ANKS1B: variants seen among roughly 807,000 people sequenced by gnomAD.
The protein encoded by ANKS1B is ankyrin repeat and sterile alpha motif domain-containing protein 1B.
ANKS1B carries 36 observed loss-of-function variants against 148.3 expected under a neutral mutation model. That is an observed-to-expected ratio of 0.24 (90% CI 0.19 to 0.32). The LOEUF is 0.32. Among genes scored for constraint, ANKS1B ranks in the 10% least tolerant of loss-of-function variants. ANKS1B has a pLI of 1.00. For missense variants in ANKS1B, 1,157 were observed against 1,542.6 expected, an observed-to-expected ratio of 0.75 and a Z score of 4.19; for synonymous variants, 542 against 560.8, an observed-to-expected ratio of 0.97 and a Z score of 0.47.
At chr12:99,269,843 G>C (rs1042526272) in intron 12 of ANKS1B, among the ~76,000 whole-genome samples, 1 of 152,164 alleles carries the variant, frequency 6.6e-6, no homozygotes, top group Non-Finnish European at 1.5e-5. Context: ...ACAGGCGTGA[G>C]CCACTGCACC....
intron 8 of ANKS1B, among the ~76,000 whole-genome samples, chr12:99,664,116 T>TAA (rs1323139738): frequency 6.6e-6 from 1 of 150,444 alleles, no homozygotes. Context: ...GAAGCTAATT[T>TAA]CAAAAAAAAA....
chr12:99,637,878 AAGAG>A (rs1341233203), intron 9 of ANKS1B, among the ~76,000 whole-genome samples: 2 of 150,860 alleles, frequency 1.3e-5, no homozygotes, highest in Admixed American at 6.6e-5. Context: ...GAGAGAAAAA[AAGAG>A]AGAGAGATCC....
intron 1 of ANKS1B, among the ~76,000 whole-genome samples, chr12:99,906,956 T>C (rs376340370): frequency 2.0e-5 from 3 of 152,182 alleles, no homozygotes; most frequent in African/African-American, 7.2e-5. Flanking sequence ...AAGATACACA[T>C]AAGGTCCCAT....
chr12:99,176,040 G>T (rs1416718390), intron 14 of ANKS1B, among the ~76,000 whole-genome samples: 1 of 151,966 alleles, frequency 6.6e-6, no homozygotes, highest in African/African-American at 2.4e-5. Flanking sequence ...GTAGAGATGG[G>T]GTTTCACCAT....
intron 17 of ANKS1B, chr12:98,949,960 C>T (rs1386893205): frequency 6.6e-6 from 1 of 152,072 alleles, no homozygotes; most frequent in African/African-American, 2.4e-5. Context: ...AAATGAGGTG[C>T]TATAATGATG....
chr12:98,817,270 C>A (rs1594617779), intron 19 of ANKS1B, among the ~76,000 whole-genome samples: 1 of 152,288 alleles, frequency 6.6e-6, no homozygotes, highest in East Asian at 1.9e-4. Flanking sequence ...TAGCCAATAG[C>A]CAGCAAACTC....
chr12:99,443,766 G>C lies in ANKS1B; in HGVS notation c.1482C>G (p.Asn494Lys). The C allele has an allele frequency of 6.2e-7, 1 of 1,611,822 alleles. No individual in the cohort carries two copies. The highest frequency in any genetic ancestry group is 2.2e-5 in the East Asian group (1 of 44,820). ...TTGGGCCTGTTGAGCTGTTTCTATGGTTACTAGTTCCTGGAGTAGTAACTG... is the reference window on the plus strand; with the variant it reads ...TTGGGCCTGTTGAGCTGTTTCTATGCTTACTAGTTCCTGGAGTAGTAACTG... ...EVAVTTPGTS[N>K]HRNSSTGPTP... Residue 494 changes from asparagine (N) to lysine (K), a missense_variant, in exon 11 of 27, where the codon AAC becomes AAG. Physicochemically the swap from Asn to Lys is moderately conservative, Grantham distance 94. Around this residue, in one of 6 missense-constraint regions of ANKS1B, gnomAD observed 661 missense variants for 642.1 expected, o/e 1.03. Coordinates refer to ENST00000683438, the MANE Select transcript of ANKS1B (RefSeq NM_001352186.2).
intron 12 of ANKS1B, among the ~76,000 whole-genome samples, chr12:99,343,068 A>G (rs1410340167): frequency 1.3e-5 from 2 of 152,056 alleles, no homozygotes; most frequent in Admixed American, 1.3e-4. Flanking sequence ...AGAATCCTCA[A>G]AATAACTAAT....
chr12:99,583,276 G>T (rs761992805), intron 9 of ANKS1B, among the ~76,000 whole-genome samples: 9 of 152,134 alleles, frequency 5.9e-5, no homozygotes, highest in Non-Finnish European at 1.3e-4. Flanking sequence ...TAGTGTGTGA[G>T]CTGAGTAATG....
exon 10 of ANKS1B, chr12:98,735,494 G>GGAT: frequency 1.7e-6 from 1 of 601,948 alleles, no homozygotes; most frequent in Non-Finnish European, 3.2e-6. Flanking sequence ...CTAAAGTGAA[G>GGAT]GATTCAAGCT....
chr12:98,844,139 A>G (rs1212983038), intron 17 of ANKS1B, among the ~76,000 whole-genome samples: 3 of 152,050 alleles, frequency 2.0e-5, no homozygotes, highest in East Asian at 3.8e-4. Flanking sequence ...GGATGACCTG[A>G]GTGTGAGTGT....
intron 15 of ANKS1B, among the ~76,000 whole-genome samples, chr12:99,099,191 G>A (rs2057250786): frequency 6.6e-6 from 1 of 152,210 alleles, no homozygotes; most frequent in Non-Finnish European, 1.5e-5. Context: ...CCTTGGGGCC[G>A]AGCATGGCAT....
At chr12:98,903,655 C>G (rs1446358176) in intron 17 of ANKS1B, among the ~76,000 whole-genome samples, 1 of 152,230 alleles carries the variant, frequency 6.6e-6, no homozygotes, top group Non-Finnish European at 1.5e-5. Flanking sequence ...TGGACTTTAT[C>G]TCTTATATGA....
chr12:99,960,640 C>A (rs1423399272), intron 1 of ANKS1B, among the ~76,000 whole-genome samples: 1 of 152,174 alleles, frequency 6.6e-6, no homozygotes, highest in African/African-American at 2.4e-5. Flanking sequence ...TAGAAACTTG[C>A]AACTCTAGAT....
At chr12:98,990,550 AAG>A (rs145443410) in intron 17 of ANKS1B, among the ~76,000 whole-genome samples, 2,738 of 148,928 alleles carry the variant, frequency 0.018, 92 homozygotes, top group African/African-American at 0.064. Flanking sequence ...CAGGATGATA[AAG>A]AGAGAGAGAG....
intron 17 of ANKS1B, among the ~76,000 whole-genome samples, chr12:98,918,011 G>T (rs536960330): frequency 6.6e-6 from 1 of 152,156 alleles, no homozygotes; most frequent in African/African-American, 2.4e-5. Context: ...AAGTAGAGAG[G>T]CTATTTATGT....
At chr12:99,264,615 C>G (rs566664100) in intron 12 of ANKS1B, among the ~76,000 whole-genome samples, 1 of 152,036 alleles carries the variant, frequency 6.6e-6, no homozygotes, top group Non-Finnish European at 1.5e-5. Flanking sequence ...AAAAATTTTA[C>G]GTCAAAGGAT....
chr12:99,103,887 C>A (rs1346971110), intron 15 of ANKS1B, among the ~76,000 whole-genome samples: 2 of 152,088 alleles, frequency 1.3e-5, no homozygotes, highest in African/African-American at 4.8e-5. Flanking sequence ...TCAAGTATAC[C>A]AATTTAATCT....
In ANKS1B at chr12:99,443,669, T is replaced by C; in HGVS notation, c.1575+4A>G. On this transcript the variant is annotated splice_donor_region_variant and intron_variant, in intron 11 of 26. Coordinates refer to ENST00000683438, the MANE Select transcript of ANKS1B (RefSeq NM_001352186.2). ...GGGAAAATGATGCCATTCTGGGCACTTACCTGGGGTCGAATGACTTTTACA... is the reference window on the plus strand; with the variant it reads ...GGGAAAATGATGCCATTCTGGGCACCTACCTGGGGTCGAATGACTTTTACA... The C allele has an allele frequency of 1.2e-6, 2 of 1,611,346 alleles. No individual in the cohort carries two copies. The highest frequency in any genetic ancestry group is 1.7e-6 in the Non-Finnish European group (2 of 1,178,362).
Sources: gnomAD v4.1 joint callset for allele counts (sites outside exome capture counted in the v4.1 genomes callset) on GRCh38, gnomAD v4.1.1 for gene constraint, gnomAD v4.1.1 regional missense constraint, MANE v1.5 for transcripts, NCBI Gene and HGNC (gene_info 2026-07-23, HGNC 2026-07-21) for gene names.